IFFO2: variants seen among roughly 807,000 people sequenced by gnomAD.
IFFO2 encodes the protein intermediate filament family orphan 2.
A neutral mutation model predicts 53.5 loss-of-function variants in IFFO2; 19 were observed. That is an observed-to-expected ratio of 0.36 (90% confidence interval 0.25 to 0.52). The LOEUF (loss-of-function observed/expected upper bound fraction) is 0.52. IFFO2 is among the 20% of genes least tolerant of loss of function. The pLI, the probability that IFFO2 is intolerant of heterozygous loss-of-function variation, is 0.94. For missense variants in IFFO2, 570 were observed against 727.4 expected (o/e 0.78, Z 2.49); for synonymous variants, 303 against 313.6 (o/e 0.97, Z 0.36).
At chr1:18,949,503 C>T (rs571597887) in intron 1 of IFFO2, among the ~76,000 whole-genome samples, 3 of 152,366 alleles carry the variant, frequency 2.0e-5, no homozygotes, top group South Asian at 2.1e-4. Flanking sequence ...TTCAGCCATC[C>T]GCGACATAGG....
chr1:18,921,806 C>G (rs2148169235), intron 1 of IFFO2, among the ~76,000 whole-genome samples: 1 of 152,244 alleles, frequency 6.6e-6, no homozygotes, highest in South Asian at 2.1e-4. Context: ...CCAAGGGCTT[C>G]CACACCACTA....
chr1:18,924,720 G>A (rs1382262869), intron 1 of IFFO2, among the ~76,000 whole-genome samples: 1 of 152,174 alleles, frequency 6.6e-6, no homozygotes, highest in Non-Finnish European at 1.5e-5. Flanking sequence ...GATCACTTTT[G>A]GGGCACAAAG....
intron 1 of IFFO2, among the ~76,000 whole-genome samples, chr1:18,931,745 A>G (rs1936377977): frequency 6.6e-6 from 1 of 152,206 alleles, no homozygotes; most frequent in South Asian, 2.1e-4. Context: ...TGACCTGTTC[A>G]AGGTCAAATC....
Position 18,956,453 on chromosome 1 carries a change from G to C in IFFO2, c.-121C>G, listed in dbSNP as rs1204324143. On this transcript the variant is annotated 5_prime_UTR_variant, in exon 1 of 9. Transcript: ENST00000455833. This position sits in a 1 kb window ranked among gnomAD's most constrained non-coding sequence, Gnocchi z 6.4. ...CGGGCTCCAGCGCGGCCGGCCGGGC[G>C]GTTCCAGATGCGCGCCAGATGCGGC... The C allele has an allele frequency of 6.2e-6, 1 of 160,094 alleles. No individual in the cohort carries two copies. Among genetic ancestry groups the C allele is most frequent in the Non-Finnish European group, 1.4e-5 (1 of 73,694 alleles). 9.9% of individuals were successfully genotyped at this position (160,094 alleles called of 1,614,324 possible).
At chr1:18,944,088 G>A (rs370480913) in intron 1 of IFFO2, among the ~76,000 whole-genome samples, 20 of 152,330 alleles carry the variant, frequency 1.3e-4, no homozygotes, top group African/African-American at 4.6e-4. Flanking sequence ...GCTCTGTTGC[G>A]TGACCTCAAG....
intron 1 of IFFO2, among the ~76,000 whole-genome samples, chr1:18,926,046 TGGA>T (rs1936288870): frequency 2.9e-5 from 3 of 104,032 alleles, no homozygotes; most frequent in South Asian, 6.5e-4. Flanking sequence ...GATGGATGGA[TGGA>T]TGGATTGGTT....
Position 18,908,658 on chromosome 1 carries a change from G to A in IFFO2, c.1457C>T (p.Pro486Leu), listed in dbSNP as rs368264640. 264 of 1,551,004 alleles carry A rather than the reference G, an allele frequency of 1.7e-4. No homozygotes were observed. Among genetic ancestry groups the A allele is most frequent in the South Asian group, 3.2e-4 (27 of 84,054 alleles). The part of the protein sequence containing the change: ...LIKGSADRNS[P>L]SPSSVASSDS... The stretch of plus-strand genomic sequence containing the variant: ...GCTGCTGGCCACGGAGCTGGGGGAC[G>A]GTGAATTCCTGAGAAGCACAAGAGA... Residue 486 changes from proline (P) to leucine (L), a missense_variant, in exon 9 of 9, where the codon CCG becomes CTG. Transcript: ENST00000455833.
chr1:18,930,243 T>G (rs1569851635), intron 1 of IFFO2, among the ~76,000 whole-genome samples: 1 of 152,144 alleles, frequency 6.6e-6, no homozygotes, highest in African/African-American at 2.4e-5. Flanking sequence ...TTGGTGTCAT[T>G]CTCATCCTCA....
rs1356286230 is a variant in IFFO2, at chr1:18,917,592, G to A, written c.964-550C>T. Among the ~76,000 whole-genome samples, 1 of 152,230 alleles carries A rather than the reference G, an allele frequency of 6.6e-6. No individual in the cohort carries two copies. Among genetic ancestry groups the A allele is most frequent in the Non-Finnish European group, 1.5e-5 (1 of 68,036 alleles). ...CAGCAAGAAGGCATGGAGGTGGAGA[G>A]AGGGCCCCAGGGAGGCCCAGATCTG... On this transcript the variant is annotated intron_variant, in intron 4 of 8. Transcript: ENST00000455833. This position sits in a 1 kb window ranked among gnomAD's most constrained non-coding sequence, Gnocchi z 5.9.
At chr1:18,908,713 C>T in intron 8 of IFFO2, 47 bp from the exon 9 acceptor site, 1 of 1,398,582 alleles carries the variant, frequency 7.2e-7, no homozygotes, top group South Asian at 1.2e-5. Flanking sequence ...AGCCCTGGGC[C>T]TCTGAAGGGT....
intron 1 of IFFO2, among the ~76,000 whole-genome samples, chr1:18,945,713 G>T (rs1011314768): frequency 6.6e-6 from 1 of 152,226 alleles, no homozygotes; most frequent in Non-Finnish European, 1.5e-5. Flanking sequence ...CACATGGAGG[G>T]GCTTCTGCCA....
intron 8 of IFFO2, among the ~76,000 whole-genome samples, chr1:18,909,898 T>C (rs1936009239): frequency 6.6e-6 from 1 of 152,060 alleles, no homozygotes; most frequent in Non-Finnish European, 1.5e-5. Flanking sequence ...ACGCCCAGCC[T>C]CAGGCAATTC....
rs908661839 is a variant in IFFO2, at chr1:18,917,649, C to T, written c.964-607G>A. Among the ~76,000 whole-genome samples, 12 of 152,134 alleles carry T rather than the reference C, an allele frequency of 7.9e-5. No homozygotes were observed. Among genetic ancestry groups the T allele is most frequent in the African/African-American group, 2.7e-4 (11 of 41,416 alleles). On this transcript the variant is annotated intron_variant, in intron 4 of 8. Coordinates refer to ENST00000455833, the MANE Select transcript of IFFO2 (RefSeq NM_001136265.2). The surrounding 1 kb of genome is among the most constrained non-coding windows in gnomAD (Gnocchi z 5.9). ...CGACGTCAAAGTCACACACACAGAG[C>T]GACAACACACCGTATTGCCCTGGGC...
At chr1:18,940,563 G>T (rs757580803) in intron 1 of IFFO2, among the ~76,000 whole-genome samples, 1 of 23,956 alleles carries the variant, frequency 4.2e-5, no homozygotes, top group East Asian at 7.3e-4. Flanking sequence ...ATGGACAAAC[G>T]GATGGATGGA....
intron 1 of IFFO2, among the ~76,000 whole-genome samples, chr1:18,935,227 A>G (rs866532177): frequency 2.6e-5 from 4 of 152,160 alleles, no homozygotes; most frequent in African/African-American, 9.7e-5. Flanking sequence ...GTTCTTCCTC[A>G]CCAGTGGCCC....
At chr1:18,949,042 C>T (rs1053016732) in intron 1 of IFFO2, among the ~76,000 whole-genome samples, 1 of 152,230 alleles carries the variant, frequency 6.6e-6, no homozygotes, top group Non-Finnish European at 1.5e-5. Flanking sequence ...CCTGCACTGC[C>T]AGGCTTGGGG....
chr1:18,934,534 G>A (rs965978058), intron 1 of IFFO2, among the ~76,000 whole-genome samples: 12 of 152,040 alleles, frequency 7.9e-5, no homozygotes, highest in African/African-American at 1.2e-4. Flanking sequence ...ATACCTGCTC[G>A]TTTTCCCCTT....
intron 8 of IFFO2, among the ~76,000 whole-genome samples, chr1:18,909,568 T>C (rs562656970): frequency 6.6e-6 from 1 of 152,254 alleles, no homozygotes; most frequent in African/African-American, 2.4e-5. Flanking sequence ...ATCCTGTTCT[T>C]GTGATAGGGA....
At chr1:18,924,940 G>A (rs74973887) in intron 1 of IFFO2, among the ~76,000 whole-genome samples, 6,592 of 152,258 alleles carry the variant, frequency 0.043, 182 homozygotes, top group Middle Eastern at 0.068. Flanking sequence ...AAGCTACCCT[G>A]TCCCCACTTT....
Sources: allele counts gnomAD v4.1 joint callset (sites outside exome capture counted in the v4.1 genomes callset), GRCh38; gene constraint gnomAD v4.1.1; non-coding constraint Gnocchi (gnomAD v3.1); transcripts MANE v1.5; gene names NCBI Gene and HGNC (gene_info 2026-07-23, HGNC 2026-07-21).